The following NPC2 variants were observed in gnomAD, a reference collection of about 807,000 sequenced individuals.
The protein encoded by NPC2 is Niemann-Pick disease type C2 protein.
A neutral mutation model predicts 17.0 loss-of-function variants in NPC2; 14 were observed. That is an observed-to-expected ratio of 0.82 (90% CI 0.54 to 1.29). NPC2 has a LOEUF of 1.29. Ranked by LOEUF, NPC2 falls within the 50% of genes most tolerant of loss-of-function variation. NPC2 has a pLI of 0.00. For missense variants in NPC2, 167 were observed against 183.4 expected (o/e 0.91, Z 0.52); for synonymous variants, 75 against 69.3 (o/e 1.08, Z -0.41).
intron 1 of NPC2, among the ~76,000 whole-genome samples, chr14:74,487,626 G>A (rs1018402751): frequency 6.6e-6 from 1 of 152,180 alleles, no homozygotes; most frequent in Non-Finnish European, 1.5e-5. Flanking sequence ...AAACTCCGCG[G>A]AGGAAGATCA....
In NPC2 at chr14:74,485,777, CA is replaced by C. The variant is rs574553199; in HGVS notation, c.190+551del. On this transcript the variant is annotated intron_variant, in intron 2 of 4. Transcript: ENST00000555619. ...CTCAAAGTGATGTGGTACAAGAAAG[CA>C]AAAAGTTCCAATGATATTTCTTGAA... Among the ~76,000 whole-genome samples, 739 of 152,232 alleles carry C rather than the reference CA, an allele frequency of 4.9e-3. 6 individuals are homozygous for C. Among genetic ancestry groups the C allele is most frequent in the African/African-American group, 0.017 (703 of 41,554 alleles).
At chr14:74,481,665 G>A (rs981473854) in intron 3 of NPC2, among the ~76,000 whole-genome samples, 7 of 152,224 alleles carry the variant, frequency 4.6e-5, no homozygotes, top group Non-Finnish European at 1.0e-4. Flanking sequence ...GCCTAGAGAA[G>A]TCTGTAGCTG....
intron 1 of NPC2, among the ~76,000 whole-genome samples, chr14:74,487,624 C>A (rs17100588): frequency 0.16 from 24,461 of 152,100 alleles, 2,083 homozygotes; most frequent in South Asian, 0.27. Context: ...TGAAACTCCG[C>A]GGAGGAAGAT....
chr14:74,480,324 T>C (rs754489350), intron 4 of NPC2, 36 bp from the exon 5 acceptor site: 4 of 1,567,682 alleles, frequency 2.6e-6, no homozygotes, highest in Non-Finnish European at 3.5e-6. Flanking sequence ...TGGAAGTGGT[T>C]TGGAACCTTT....
chr14:74,483,467 GA>G, intron 3 of NPC2: 1 of 1,558,376 alleles, frequency 6.4e-7, no homozygotes, highest in South Asian at 1.1e-5. Context: ...AACACCAGTG[GA>G]AAAGAAACAG....
At chr14:74,486,798 G>A (rs528819084) in intron 1 of NPC2, among the ~76,000 whole-genome samples, 140 of 152,216 alleles carry the variant, frequency 9.2e-4, no homozygotes, top group African/African-American at 2.5e-3. Context: ...GTCTTATCTC[G>A]CATTCTTAAT....
At chr14:74,484,329 C>A (rs2086686000) in intron 3 of NPC2, 86 bp downstream of exon 3, 1 of 1,401,092 alleles carries the variant, frequency 7.1e-7, no homozygotes, top group African/African-American at 1.4e-5. Context: ...GGGCCCTTTA[C>A]CCCCATCTCT....
intron 3 of NPC2, among the ~76,000 whole-genome samples, chr14:74,482,759 T>C (rs2086667785): frequency 6.6e-6 from 1 of 152,172 alleles, no homozygotes; most frequent in South Asian, 2.1e-4. Context: ...GGCTCAAATT[T>C]CTTCAGCTGT....
chr14:74,491,830 C>T (rs796288515), intron 1 of NPC2, among the ~76,000 whole-genome samples: 43 of 152,248 alleles, frequency 2.8e-4, no homozygotes, highest in African/African-American at 9.1e-4. Context: ...ATAGTTTAAA[C>T]TCTGAAACGA....
chr14:74,480,345 C>T (rs1555345575), intron 4 of NPC2, 57 bp from the exon 5 acceptor site: 1 of 1,455,904 alleles, frequency 6.9e-7, no homozygotes, highest in African/African-American at 1.4e-5. Context: ...CCTCCACTGT[C>T]AGGGCAATAA....
At chr14:74,483,727 A>C (rs2086678936) in intron 3 of NPC2, among the ~76,000 whole-genome samples, 1 of 152,260 alleles carries the variant, frequency 6.6e-6, no homozygotes, top group South Asian at 2.1e-4. Flanking sequence ...GACATAACAG[A>C]TGTGAAAATA....
At chr14:74,483,390 A>C (rs1289703568) in intron 3 of NPC2, 1 of 1,466,280 alleles carries the variant, frequency 6.8e-7, no homozygotes, top group Non-Finnish European at 9.5e-7. Flanking sequence ...ATTTTAGAAT[A>C]ATCTGCAAAG....
Position 74,486,400 on chromosome 14 carries a change from C to T in NPC2, c.119G>A (p.Ser40Asn). The change falls in exon 2 of 5, where the codon AGC becomes AAC. Residue 40 changes from serine (S) to asparagine (N), a missense_variant. Transcript: ENST00000555619. ...VDGVIKEVNV[S>N]PCPTQPCQLS... ...CTGGCAGGGTTGGGTGGGGCATGGG[C>T]TCACATTCACTTCCTTTATAACTCC... 2 of 1,603,078 alleles carry T rather than the reference C, an allele frequency of 1.2e-6. No individual in the cohort carries two copies. The highest frequency in any genetic ancestry group is 1.1e-5 in the South Asian group (1 of 88,654).
At chr14:74,482,386 A>G (rs899283681) in intron 3 of NPC2, among the ~76,000 whole-genome samples, 4 of 152,198 alleles carry the variant, frequency 2.6e-5, no homozygotes, top group African/African-American at 9.7e-5. Context: ...CAAGATACAT[A>G]TCTTTAATAC....
In NPC2 at chr14:74,480,169, A is replaced by G. The variant is rs755258873; in HGVS notation, c.*105T>C. The G allele has an allele frequency of 1.9e-6, 3 of 1,611,702 alleles. No individual in the cohort carries two copies. The Admixed American group carries it at 5.0e-5, about 27-fold the overall frequency. On this transcript the variant is annotated 3_prime_UTR_variant, in exon 5 of 5. Transcript: ENST00000555619. ...CACCTCCTCTTCAACGAATCACTGG[A>G]TACCATTGGAGAGCAAGTCACTGTT... is the stretch of plus-strand genomic sequence containing the variant.
At chr14:74,481,386 C>T (rs2086654557) in intron 3 of NPC2, among the ~76,000 whole-genome samples, 1 of 152,254 alleles carries the variant, frequency 6.6e-6, no homozygotes, top group African/African-American at 2.4e-5. Context: ...CACTATGCTT[C>T]AGGTACAGCT....
intron 2 of NPC2, among the ~76,000 whole-genome samples, chr14:74,485,321 A>G (rs965900850): frequency 5.6e-5 from 8 of 142,248 alleles, no homozygotes; most frequent in Non-Finnish European, 9.3e-5. Flanking sequence ...AAAAAAAAAA[A>G]AAAGAAATTG....
At chr14:74,483,508 G>C in intron 3 of NPC2, 1 of 1,550,148 alleles carries the variant, frequency 6.5e-7, no homozygotes, top group Non-Finnish European at 8.8e-7. Flanking sequence ...TGCTGCTCTA[G>C]GCCCATAGTC....
intron 2 of NPC2, among the ~76,000 whole-genome samples, chr14:74,485,997 T>TA (rs992805251): frequency 4.1e-4 from 62 of 152,208 alleles, no homozygotes; most frequent in African/African-American, 1.4e-3. Flanking sequence ...GGGTCCATAC[T>TA]AATACTCTGC....
Sources: allele counts gnomAD v4.1 joint callset (sites outside exome capture counted in the v4.1 genomes callset), GRCh38; gene constraint gnomAD v4.1.1; transcripts MANE v1.5; gene names NCBI Gene and HGNC (gene_info 2026-07-23, HGNC 2026-07-21).